NELL1: variants seen among roughly 807,000 people sequenced by gnomAD.
NELL1 encodes the protein protein kinase C-binding protein NELL1.
Under a neutral mutation model 107.4 loss-of-function variants are expected in NELL1, and 76 were observed. The observed-to-expected ratio is 0.71, with a 90% CI of 0.59 to 0.86. The LOEUF is 0.86. Among genes scored for constraint, NELL1 ranks in the 40% least tolerant of loss-of-function variants. The pLI, the probability that NELL1 is intolerant of heterozygous loss-of-function variation, is 0.00. For synonymous variants in NELL1, 353 were observed against 341.2 expected (o/e 1.03, Z -0.38); for missense variants, 1,024 against 1,005.5 (o/e 1.02, Z -0.25).
chr11:21,144,682 C>T (rs1199921198), intron 13 of NELL1, among the ~76,000 whole-genome samples: 1 of 151,970 alleles, frequency 6.6e-6, no homozygotes, highest in Non-Finnish European at 1.5e-5. Context: ...GTCTCAAGAG[C>T]GTGATAGGAA....
chr11:21,157,475 A>G (rs111852605), intron 13 of NELL1, among the ~76,000 whole-genome samples: 2,688 of 152,268 alleles, frequency 0.018, 45 homozygotes, highest in Non-Finnish European at 0.023. Flanking sequence ...ATTTTTGAGA[A>G]TTACACCCTG....
At chr11:20,855,502 G>A (rs1848866402) in intron 4 of NELL1, among the ~76,000 whole-genome samples, 1 of 152,130 alleles carries the variant, frequency 6.6e-6, no homozygotes, top group Admixed American at 6.5e-5. Context: ...CCAACTCATA[G>A]TGATTTCATC....
chr11:21,214,247 G>A (rs993607566), intron 13 of NELL1, among the ~76,000 whole-genome samples: 2 of 152,088 alleles, frequency 1.3e-5, no homozygotes, highest in Non-Finnish European at 2.9e-5. Context: ...TTTGACAATC[G>A]TGTCAGCACT....
chr11:21,402,741 C>T (rs1243513638), intron 15 of NELL1, among the ~76,000 whole-genome samples: 1 of 150,996 alleles, frequency 6.6e-6, no homozygotes, highest in Non-Finnish European at 1.5e-5. Flanking sequence ...AGCTTTATCT[C>T]CTATGATGTG....
chr11:21,574,822 T>A, intron 19 of NELL1, 150 bp from the exon 20 acceptor site: 1 of 643,658 alleles, frequency 1.6e-6, no homozygotes. Context: ...TTTCTCTAGT[T>A]TTTTTCCTAG....
chr11:21,050,520 G>A (rs1211900163), intron 12 of NELL1, among the ~76,000 whole-genome samples: 2 of 152,018 alleles, frequency 1.3e-5, no homozygotes, highest in East Asian at 3.9e-4. Flanking sequence ...AGTGTTATCT[G>A]ACTCGGAGAA....
chr11:21,290,383 T>TA (rs1352130202), intron 14 of NELL1, among the ~76,000 whole-genome samples: 7 of 125,260 alleles, frequency 5.6e-5, no homozygotes, highest in African/African-American at 8.9e-5. Context: ...AATAAATAAA[T>TA]AAATAAAATA....
chr11:21,284,202 T>C, intron 14 of NELL1: 1 of 456,594 alleles, frequency 2.2e-6, no homozygotes, highest in Non-Finnish European at 4.4e-6. Context: ...CATACCACCC[T>C]AGATCTCTAT....
intron 12 of NELL1, among the ~76,000 whole-genome samples, chr11:21,103,440 C>G (rs771102521): frequency 2.0e-5 from 3 of 152,132 alleles, no homozygotes; most frequent in Non-Finnish European, 2.9e-5. Context: ...GGCTAAAATT[C>G]CCCAGAGGTC....
chr11:21,469,632 A>G (rs1854123465), intron 15 of NELL1, among the ~76,000 whole-genome samples: 1 of 152,130 alleles, frequency 6.6e-6, no homozygotes, highest in Non-Finnish European at 1.5e-5. Context: ...ATTAAAGACC[A>G]TCTATATGCC....
At chr11:21,476,220 C>T (rs1270779957) in intron 15 of NELL1, among the ~76,000 whole-genome samples, 1 of 152,054 alleles carries the variant, frequency 6.6e-6, no homozygotes, top group East Asian at 1.9e-4. Flanking sequence ...TTAGCTGTGC[C>T]TGATTTATTC....
chr11:21,002,123 A>T (rs1477095665), intron 12 of NELL1, among the ~76,000 whole-genome samples: 3 of 152,110 alleles, frequency 2.0e-5, no homozygotes, highest in East Asian at 3.9e-4. Context: ...TTGAAGAGAG[A>T]TTCAAGCAGT....
intron 12 of NELL1, among the ~76,000 whole-genome samples, chr11:20,996,273 T>A (rs1276986686): frequency 6.6e-6 from 1 of 152,210 alleles, no homozygotes; most frequent in African/African-American, 2.4e-5. Flanking sequence ...CCTCTTTCCC[T>A]TATGCTCAAG....
At chr11:21,066,949 A>G (rs1033321619) in intron 12 of NELL1, among the ~76,000 whole-genome samples, 1 of 146,086 alleles carries the variant, frequency 6.8e-6, no homozygotes, top group African/African-American at 2.5e-5. Context: ...GCGAGACTCC[A>G]TTGCAAAAAA....
At chr11:21,230,543 G>C (rs1387298407) in intron 14 of NELL1, among the ~76,000 whole-genome samples, 1 of 152,194 alleles carries the variant, frequency 6.6e-6, no homozygotes, top group Non-Finnish European at 1.5e-5. Flanking sequence ...TATGAGGTAG[G>C]TATTATTATC....
At chr11:20,931,232 G>A (rs187165880) in intron 9 of NELL1, among the ~76,000 whole-genome samples, 58 of 152,076 alleles carry the variant, frequency 3.8e-4, no homozygotes, top group Middle Eastern at 6.8e-3. Flanking sequence ...GGAGAATACC[G>A]GGGGAAGGCC....
At chr11:20,698,551 C>T (rs995952908) in intron 2 of NELL1, among the ~76,000 whole-genome samples, 1 of 152,156 alleles carries the variant, frequency 6.6e-6, no homozygotes, top group Non-Finnish European at 1.5e-5. Flanking sequence ...CCTCTTCAGA[C>T]ATTGAATAAT....
chr11:21,307,175 A>G (rs2133636446), intron 14 of NELL1, among the ~76,000 whole-genome samples: 1 of 152,106 alleles, frequency 6.6e-6, no homozygotes, highest in South Asian at 2.1e-4. Context: ...TTCCTCTTGC[A>G]GGTGTCATGG....
intron 15 of NELL1, among the ~76,000 whole-genome samples, chr11:21,516,444 TA>T (rs1205904129): frequency 6.6e-6 from 1 of 152,150 alleles, no homozygotes; most frequent in Non-Finnish European, 1.5e-5. Context: ...GGATACATTT[TA>T]AGAAATGCAT....
Sources: allele counts gnomAD v4.1 joint callset (sites outside exome capture counted in the v4.1 genomes callset), GRCh38; gene constraint gnomAD v4.1.1; transcripts MANE v1.5; gene names NCBI Gene and HGNC (gene_info 2026-07-23, HGNC 2026-07-21).